PACRG: variants seen among roughly 807,000 people sequenced by gnomAD.
PACRG encodes the protein parkin coregulated.
Under a neutral mutation model 29.7 loss-of-function variants are expected in PACRG, and 29 were observed. That is an observed-to-expected ratio of 0.98 (90% CI 0.73 to 1.33). The LOEUF is 1.33. Among genes scored for constraint, PACRG ranks in the 40% most tolerant of loss-of-function variants. The pLI is 0.00. For missense variants in PACRG, 279 were observed against 316.2 expected, an observed-to-expected ratio of 0.88 and a Z score of 0.89; for synonymous variants, 116 against 118.7, an observed-to-expected ratio of 0.98 and a Z score of 0.15.
At chr6:163,004,527 AACTC>A (rs1395311837) in intron 2 of PACRG, among the ~76,000 whole-genome samples, 1 of 151,188 alleles carries the variant, frequency 6.6e-6, no homozygotes. Flanking sequence ...TTCTCATGAG[AACTC>A]ACTCACTATC....
chr6:163,088,834 G>A (rs17380872), intron 3 of PACRG, among the ~76,000 whole-genome samples: 16,188 of 152,000 alleles, frequency 0.11, 1,140 homozygotes, highest in Middle Eastern at 0.2. Flanking sequence ...CCAAATGTTC[G>A]TTCCATGTTA....
intron 4 of PACRG, chr6:163,166,113 G>A (rs1183061716): frequency 6.6e-6 from 3 of 456,130 alleles, no homozygotes; most frequent in Admixed American, 2.3e-5. Flanking sequence ...CGGCTGCAGG[G>A]CTTGGCGCGG....
chr6:162,727,594 CG>C, upstream of PACRG: 2 of 1,503,650 alleles, frequency 1.3e-6, no homozygotes, highest in Non-Finnish European at 1.8e-6. Context: ...TCGGCCGAGG[CG>C]GGGCGTGGCG....
At chr6:163,199,465 G>A (rs1369251968) in intron 4 of PACRG, among the ~76,000 whole-genome samples, 1 of 152,090 alleles carries the variant, frequency 6.6e-6, no homozygotes, top group African/African-American at 2.4e-5. Flanking sequence ...TATAACCCAG[G>A]GACTATTATC....
At chr6:163,116,979 C>T (rs970472118) in intron 4 of PACRG, among the ~76,000 whole-genome samples, 1 of 152,266 alleles carries the variant, frequency 6.6e-6, no homozygotes. Context: ...CTCTCCATGC[C>T]TGTCCCGTGG....
chr6:162,831,079 A>G (rs1004116303), intron 2 of PACRG, among the ~76,000 whole-genome samples: 1 of 152,164 alleles, frequency 6.6e-6, no homozygotes, highest in African/African-American at 2.4e-5. Flanking sequence ...TTCTTCTAAC[A>G]TACCGTTCAT....
chr6:162,868,688 C>G (rs993294553), intron 2 of PACRG, among the ~76,000 whole-genome samples: 8 of 152,052 alleles, frequency 5.3e-5, no homozygotes, highest in African/African-American at 1.5e-4. Context: ...CACCTGCTTC[C>G]TGCGGGAGGA....
intron 1 of PACRG, among the ~76,000 whole-genome samples, chr6:162,788,701 A>T (rs111270403): frequency 6.6e-6 from 1 of 152,186 alleles, no homozygotes; most frequent in Admixed American, 6.5e-5. Flanking sequence ...AATTTTGGCT[A>T]TTTTAATAGA....
chr6:162,920,687 G>T (rs1175475159), intron 2 of PACRG, among the ~76,000 whole-genome samples: 1 of 152,146 alleles, frequency 6.6e-6, no homozygotes, highest in East Asian at 1.9e-4. Context: ...CCTAAGTACA[G>T]TTCTCTGAGC....
At chr6:163,300,513 C>T (rs976779586) in intron 4 of PACRG, among the ~76,000 whole-genome samples, 1 of 152,176 alleles carries the variant, frequency 6.6e-6, no homozygotes, top group Non-Finnish European at 1.5e-5. Context: ...AAGATGTGAG[C>T]CAGAATGCTG....
intron 4 of PACRG, among the ~76,000 whole-genome samples, chr6:163,221,528 C>T (rs903077647): frequency 7.9e-5 from 12 of 152,248 alleles, no homozygotes; most frequent in African/African-American, 2.4e-4. Flanking sequence ...GGTTGCAAAG[C>T]ACATCTTACG....
intron 1 of PACRG, among the ~76,000 whole-genome samples, chr6:162,795,986 C>G (rs1276874684): frequency 1.3e-5 from 2 of 152,166 alleles, no homozygotes; most frequent in Non-Finnish European, 2.9e-5. Flanking sequence ...GTGGTTTTCT[C>G]TGAGTAAATG....
At chr6:163,030,104 C>G (rs1807519335) in intron 2 of PACRG, among the ~76,000 whole-genome samples, 3 of 151,974 alleles carry the variant, frequency 2.0e-5, no homozygotes, top group South Asian at 2.1e-4. Context: ...CTTTTATATT[C>G]TGTTCTTTTT....
intron 4 of PACRG, chr6:163,312,766 GT>G: frequency 2.3e-6 from 1 of 441,044 alleles, no homozygotes; most frequent in Non-Finnish European, 4.5e-6. Flanking sequence ...TTGTTTGTTT[GT>G]TTTTGAGACA....
intron 2 of PACRG, among the ~76,000 whole-genome samples, chr6:162,989,722 C>CTTTTTTTTTTTTTT (rs66497763): frequency 2.1e-5 from 3 of 142,060 alleles, no homozygotes; most frequent in East Asian, 4.2e-4. Context: ...TCAGTACTTC[C>CTTTTTTTTTTTTTT]TTTTTTTTTT....
At chr6:162,753,702 T>C (rs1781687894) in intron 1 of PACRG, among the ~76,000 whole-genome samples, 3 of 152,172 alleles carry the variant, frequency 2.0e-5, no homozygotes, top group Admixed American at 1.3e-4. Flanking sequence ...TCATGAGATC[T>C]GATGGCTTAA....
At chr6:163,238,478 A>G (rs1782335459) in intron 4 of PACRG, among the ~76,000 whole-genome samples, 1 of 152,228 alleles carries the variant, frequency 6.6e-6, no homozygotes. Context: ...GCAGAACAGA[A>G]TTTGAATCTA....
At chr6:162,845,912 A>C (rs1790332987) in intron 2 of PACRG, among the ~76,000 whole-genome samples, 1 of 152,212 alleles carries the variant, frequency 6.6e-6, no homozygotes, top group Non-Finnish European at 1.5e-5. Flanking sequence ...CAGCATCATT[A>C]GAGAGTTGCT....
intron 1 of PACRG, among the ~76,000 whole-genome samples, chr6:162,804,727 C>A (rs1288735180): frequency 6.6e-6 from 1 of 152,112 alleles, no homozygotes; most frequent in Non-Finnish European, 1.5e-5. Context: ...AAGTTGATGG[C>A]TCAAATCACT....
Sources: gnomAD v4.1 joint callset for allele counts (sites outside exome capture counted in the v4.1 genomes callset) on GRCh38, gnomAD v4.1.1 for gene constraint, MANE v1.5 for transcripts, NCBI Gene and HGNC (gene_info 2026-07-23, HGNC 2026-07-21) for gene names.